The following NTN1 variants were observed in gnomAD, a reference collection of about 807,000 sequenced individuals.
NTN1 encodes the protein netrin-1.
Under a neutral mutation model 54.2 loss-of-function variants are expected in NTN1, and 11 were observed. That is an observed-to-expected ratio of 0.20 (90% CI 0.13 to 0.34). The LOEUF (loss-of-function observed/expected upper bound fraction) is 0.34, where lower values mean the gene tolerates loss of function less well. Ranked by LOEUF, NTN1 falls within the 10% of genes least tolerant of loss-of-function variation. The probability of loss-of-function intolerance (pLI) is 1.00; values close to 1 mark genes in which losing one functional copy is unlikely to be tolerated. For synonymous variants in NTN1, 371 were observed against 382.0 expected, an observed-to-expected ratio of 0.97 and a Z score of 0.33; for missense variants, 740 against 893.1, an observed-to-expected ratio of 0.83 and a Z score of 2.18.
intron 2 of NTN1, among the ~76,000 whole-genome samples, chr17:9,044,335 A>G (rs2091933951): frequency 6.6e-6 from 1 of 151,838 alleles, no homozygotes; most frequent in Admixed American, 6.6e-5. Flanking sequence ...CCCAAGTTCA[A>G]GCTATTCTCC....
At chr17:9,026,923 G>A (rs995679941) in intron 2 of NTN1, among the ~76,000 whole-genome samples, 4 of 151,636 alleles carry the variant, frequency 2.6e-5, no homozygotes, top group African/African-American at 9.7e-5. Context: ...CACACAAAAG[G>A]TGTCTCTGCA....
At chr17:9,054,713 A>G (rs1480355735) in intron 2 of NTN1, among the ~76,000 whole-genome samples, 1 of 151,664 alleles carries the variant, frequency 6.6e-6, no homozygotes, top group African/African-American at 2.4e-5. Flanking sequence ...GCCAAGTGGC[A>G]GGGGACGACG....
chr17:9,114,160 A>ATATATATAT (rs1310655092), intron 2 of NTN1, among the ~76,000 whole-genome samples: 20 of 94,372 alleles, frequency 2.1e-4, no homozygotes, highest in African/African-American at 2.6e-4. Flanking sequence ...AAAGAAAAAA[A>ATATATATAT]AAAAAAATAT....
At chr17:9,217,891 A>G (rs1597543729) in intron 5 of NTN1, among the ~76,000 whole-genome samples, 1 of 150,534 alleles carries the variant, frequency 6.6e-6, no homozygotes, top group East Asian at 1.9e-4. Flanking sequence ...ACGCAACTCC[A>G]AATGCTCAGA....
rs564458036 is a variant in NTN1 at position 9,212,028 on chromosome 17, C to T, written c.1412-9140C>T. Among the ~76,000 whole-genome samples the T allele has an allele frequency of 2.0e-5, 3 of 152,322 alleles. No individual in the cohort carries two copies. Among genetic ancestry groups the T allele is most frequent in the South Asian group, 4.1e-4 (2 of 4,834 alleles). On this transcript the variant is annotated intron_variant, in intron 5 of 6. Coordinates refer to ENST00000173229, the MANE Select transcript of NTN1 (RefSeq NM_004822.3). The surrounding 1 kb of genome is among the most constrained non-coding windows in gnomAD (Gnocchi z 5.5). ...TTGCTAGAAGATGCTTCATTTGGGG[C>T]ATCGTTAGCCTTTCTGCCCCCAAGG...
At chr17:9,019,738 CCTA>C (rs1256870917), upstream of NTN1, among the ~76,000 whole-genome samples, 1 of 152,228 alleles carries the variant, frequency 6.6e-6, no homozygotes, top group Non-Finnish European at 1.5e-5. Context: ...AGCGTTTCCT[CCTA>C]AGAGCTATGC....
intron 3 of NTN1, among the ~76,000 whole-genome samples, chr17:9,170,148 T>C (rs1461950574): frequency 6.6e-6 from 1 of 152,166 alleles, no homozygotes; most frequent in Non-Finnish European, 1.5e-5. Context: ...CAGTTCAGGC[T>C]CCACCTCTGG....
chr17:9,179,704 C>T, intron 3 of NTN1, 103 bp from the exon 4 acceptor site: 1 of 1,415,754 alleles, frequency 7.1e-7, no homozygotes, highest in Non-Finnish European at 9.5e-7. Context: ...TGCTCTTCCT[C>T]CAGGGCAGGG....
At chr17:9,140,677 A>C (rs912915140) in intron 2 of NTN1, among the ~76,000 whole-genome samples, 1 of 152,198 alleles carries the variant, frequency 6.6e-6, no homozygotes, top group African/African-American at 2.4e-5. Context: ...CTGCACTCTC[A>C]ATGTAAGGGC....
At chr17:9,035,874 TAGCCG>T (rs2091901801) in intron 2 of NTN1, among the ~76,000 whole-genome samples, 1 of 151,974 alleles carries the variant, frequency 6.6e-6, no homozygotes, top group South Asian at 2.1e-4. Context: ...ATACAAAAAT[TAGCCG>T]GGTATGGTGG....
chr17:9,231,264 G>C (rs1905799334), intron 6 of NTN1, among the ~76,000 whole-genome samples: 1 of 151,188 alleles, frequency 6.6e-6, no homozygotes, highest in Admixed American at 6.6e-5. Flanking sequence ...GCCTGTGCTG[G>C]GCTCAGGCCT....
chr17:9,223,095 A>C (rs1905417948), intron 6 of NTN1, among the ~76,000 whole-genome samples: 1 of 152,188 alleles, frequency 6.6e-6, no homozygotes, highest in South Asian at 2.1e-4. Context: ...GTCTACAGTC[A>C]ATTCCTAAAA....
At chr17:9,038,458 T>A (rs1409409686) in intron 2 of NTN1, among the ~76,000 whole-genome samples, 1 of 152,180 alleles carries the variant, frequency 6.6e-6, no homozygotes, top group African/African-American at 2.4e-5. Flanking sequence ...TTCTCTTTTA[T>A]TCACAGGGGG....
At position 9,146,679 on chromosome 17, in the gene NTN1, G is replaced by A. The variant is rs2092314468; in HGVS notation, c.1019-16134G>A. Among the ~76,000 whole-genome samples, 5 of 152,302 alleles carry A rather than the reference G, an allele frequency of 3.3e-5. No homozygotes were observed. The South Asian group carries it at 1.0e-3, about 32-fold the overall frequency. ...TGGGTGCTGAGACAGAGTGAGGCGG[G>A]ACAATGTCTCTGATTGCTAGTGAGC... is the stretch of plus-strand genomic sequence containing the variant. On this transcript the variant is annotated intron_variant, in intron 2 of 6. Coordinates refer to ENST00000173229, the MANE Select transcript of NTN1 (RefSeq NM_004822.3).
intron 2 of NTN1, among the ~76,000 whole-genome samples, chr17:9,094,030 A>G (rs927791675): frequency 6.6e-6 from 1 of 152,208 alleles, no homozygotes; most frequent in African/African-American, 2.4e-5. Context: ...CCCATTGTCC[A>G]GAGAAACTTC....
the NTN1 span, among the ~76,000 whole-genome samples, chr17:9,011,591 T>TG: frequency 6.6e-6 from 1 of 152,042 alleles, no homozygotes; most frequent in East Asian, 1.9e-4. Context: ...GGATATCTTT[T>TG]GGGGGGGCAT....
intron 2 of NTN1, among the ~76,000 whole-genome samples, chr17:9,105,416 T>C (rs533318876): frequency 1.3e-5 from 2 of 152,096 alleles, no homozygotes; most frequent in African/African-American, 4.8e-5. Flanking sequence ...TTAGGAACAT[T>C]TGGGGGCTGA....
At chr17:9,121,846 C>G (rs960381601) in intron 2 of NTN1, among the ~76,000 whole-genome samples, 2 of 152,158 alleles carry the variant, frequency 1.3e-5, no homozygotes, top group Non-Finnish European at 1.5e-5. Context: ...AATCCCACAC[C>G]TACTTCCTCA....
chr17:9,199,124 A>G (rs1380227707), intron 5 of NTN1, among the ~76,000 whole-genome samples: 1 of 152,034 alleles, frequency 6.6e-6, no homozygotes, highest in Non-Finnish European at 1.5e-5. Context: ...TAGTCCAGCT[A>G]TTTCTTTTTC....
Sources: gnomAD v4.1 joint callset for allele counts (sites outside exome capture counted in the v4.1 genomes callset) on GRCh38, gnomAD v4.1.1 for gene constraint, Gnocchi (gnomAD v3.1) non-coding constraint, MANE v1.5 for transcripts, NCBI Gene and HGNC (gene_info 2026-07-23, HGNC 2026-07-21) for gene names.